CNTN4: variants seen among roughly 807,000 people sequenced by gnomAD.
CNTN4 encodes the protein contactin 4.
Under a neutral mutation model 122.5 loss-of-function variants are expected in CNTN4, and 77 were observed. That is an observed-to-expected ratio of 0.63 (90% CI 0.52 to 0.76). CNTN4 has a LOEUF of 0.76. Among genes scored for constraint, CNTN4 ranks in the 30% least tolerant of loss-of-function variants. The pLI is 0.00. For missense variants in CNTN4, 1,256 were observed against 1,259.1 expected, an observed-to-expected ratio of 1.00 and a Z score of 0.04; for synonymous variants, 512 against 447.0, an observed-to-expected ratio of 1.15 and a Z score of -1.83.
At chr3:2,814,628 G>A (rs551990875) in intron 6 of CNTN4, among the ~76,000 whole-genome samples, 18 of 152,266 alleles carry the variant, frequency 1.2e-4, no homozygotes, top group Non-Finnish European at 1.0e-4. Flanking sequence ...TTAAATGAAC[G>A]TTTTTGTGTC....
chr3:2,898,023 A>T (rs77908356), intron 10 of CNTN4, among the ~76,000 whole-genome samples: 2,760 of 152,210 alleles, frequency 0.018, 70 homozygotes, highest in African/African-American at 0.064. Context: ...ACCCCCCCCA[A>T]ATATGGAGAT....
At chr3:2,330,204 A>T (rs1274659206) in intron 2 of CNTN4, among the ~76,000 whole-genome samples, 1 of 152,234 alleles carries the variant, frequency 6.6e-6, no homozygotes, top group Non-Finnish European at 1.5e-5. Flanking sequence ...ATTATAAAGA[A>T]TACAGATGAA....
intron 6 of CNTN4, among the ~76,000 whole-genome samples, chr3:2,760,849 T>C (rs2149687841): frequency 6.6e-6 from 1 of 152,318 alleles, no homozygotes; most frequent in East Asian, 1.9e-4. Context: ...TCCTTACTCC[T>C]TTTCTCAGGG....
At chr3:2,391,686 A>G (rs576572367) in intron 3 of CNTN4, among the ~76,000 whole-genome samples, 33 of 152,314 alleles carry the variant, frequency 2.2e-4, no homozygotes, top group Admixed American at 5.9e-4. Flanking sequence ...GAGAAAAAGA[A>G]CTGACTACAA....
intron 2 of CNTN4, among the ~76,000 whole-genome samples, chr3:2,313,630 G>A (rs539605664): frequency 9.2e-5 from 14 of 152,098 alleles, no homozygotes; most frequent in African/African-American, 3.1e-4. Flanking sequence ...ACCCCTGTTA[G>A]CCATTAGCCA....
intron 23 of CNTN4, 54 bp downstream of exon 23, chr3:3,043,758 T>C: frequency 9.0e-7 from 1 of 1,115,590 alleles, no homozygotes; most frequent in Non-Finnish European, 1.4e-6. Context: ...GTGGGGGCAG[T>C]CTCCTCCATG....
At chr3:3,055,540 C>G (rs1019868648) in intron 24 of CNTN4, among the ~76,000 whole-genome samples, 3 of 152,184 alleles carry the variant, frequency 2.0e-5, no homozygotes, top group Admixed American at 2.0e-4. Context: ...AAGTGTAAGA[C>G]CCATAAGAAA....
At chr3:2,135,114 A>G (rs1348201507) in intron 2 of CNTN4, among the ~76,000 whole-genome samples, 1 of 152,174 alleles carries the variant, frequency 6.6e-6, no homozygotes. Context: ...TTCTCAAAAT[A>G]AAAATATTCT....
chr3:2,920,420 C>T (rs4685580), intron 12 of CNTN4, among the ~76,000 whole-genome samples: 83,239 of 149,478 alleles, frequency 0.56, 23,295 homozygotes, highest in East Asian at 0.68. Context: ...ATGTGTGATA[C>T]ATACACATTA....
chr3:2,244,752 G>C (rs1354233923), intron 2 of CNTN4, among the ~76,000 whole-genome samples: 1 of 151,940 alleles, frequency 6.6e-6, no homozygotes, highest in African/African-American at 2.4e-5. Flanking sequence ...AATAAAGTAT[G>C]ACCCGTCAGG....
intron 2 of CNTN4, among the ~76,000 whole-genome samples, chr3:2,312,340 C>T (rs182120369): frequency 9.3e-4 from 142 of 152,184 alleles, no homozygotes; most frequent in African/African-American, 2.2e-3. Flanking sequence ...TAGTTTTCAT[C>T]CTCCTGAATA....
At chr3:2,149,132 G>C (rs7628087) in intron 2 of CNTN4, among the ~76,000 whole-genome samples, 3,745 of 152,244 alleles carry the variant, frequency 0.025, 173 homozygotes, top group African/African-American at 0.086. Context: ...AAATTTCCCA[G>C]TGTGTGAAGC....
At chr3:2,513,546 G>T (rs2076952087) in intron 3 of CNTN4, among the ~76,000 whole-genome samples, 1 of 151,856 alleles carries the variant, frequency 6.6e-6, no homozygotes, top group African/African-American at 2.4e-5. Context: ...TAGCAGAAAC[G>T]ATTGCCTTCT....
intron 7 of CNTN4, among the ~76,000 whole-genome samples, chr3:2,836,047 T>C (rs2093218646): frequency 6.6e-6 from 1 of 152,038 alleles, no homozygotes. Context: ...AGCATATAAT[T>C]TTCTATAAAA....
At chr3:2,383,549 G>C (rs1203649517) in intron 3 of CNTN4, among the ~76,000 whole-genome samples, 1 of 152,062 alleles carries the variant, frequency 6.6e-6, no homozygotes. Context: ...CTGGGTCCTA[G>C]GGAATCTTGT....
At chr3:2,245,099 A>G (rs996306411) in intron 2 of CNTN4, among the ~76,000 whole-genome samples, 1 of 152,050 alleles carries the variant, frequency 6.6e-6, no homozygotes, top group African/African-American at 2.4e-5. Flanking sequence ...TCTTACAGCT[A>G]AAAATTTATC....
At chr3:2,280,529 A>G (rs1035719982) in intron 2 of CNTN4, among the ~76,000 whole-genome samples, 9 of 152,190 alleles carry the variant, frequency 5.9e-5, no homozygotes, top group Non-Finnish European at 1.3e-4. Flanking sequence ...AGTCACTAAA[A>G]ATTGAAATGC....
At chr3:2,884,759 C>T (rs989248210) in intron 9 of CNTN4, among the ~76,000 whole-genome samples, 2 of 152,164 alleles carry the variant, frequency 1.3e-5, no homozygotes, top group Non-Finnish European at 2.9e-5. Flanking sequence ...GAGCAGAATT[C>T]ACGTTGTTCA....
At chr3:2,517,303 G>T (rs1450197691) in intron 3 of CNTN4, among the ~76,000 whole-genome samples, 1 of 152,072 alleles carries the variant, frequency 6.6e-6, no homozygotes, top group Non-Finnish European at 1.5e-5. Flanking sequence ...TAGTTCAGTA[G>T]ATATTGATAA....
Sources: allele counts gnomAD v4.1 joint callset (sites outside exome capture counted in the v4.1 genomes callset), GRCh38; gene constraint gnomAD v4.1.1; transcripts MANE v1.5; gene names NCBI Gene and HGNC (gene_info 2026-07-23, HGNC 2026-07-21).